PRKAA1: variants seen among roughly 807,000 people sequenced by gnomAD.
The protein encoded by PRKAA1 is 5'-AMP-activated protein kinase catalytic subunit alpha-1.
A neutral mutation model predicts 56.9 loss-of-function variants in PRKAA1; 23 were observed. The ratio of observed to expected loss-of-function variants is 0.40; its 90% confidence interval spans 0.29 to 0.57. The LOEUF is 0.57. Among genes scored for constraint, PRKAA1 ranks in the 20% least tolerant of loss-of-function variants. The pLI is 0.39. For missense variants in PRKAA1, 413 were observed against 679.7 expected (o/e 0.61, Z 4.36); for synonymous variants, 226 against 227.0 (o/e 1.00, Z 0.04).
intron 5 of PRKAA1, chr5:40,768,486 AT>A: frequency 1.1e-6 from 1 of 933,408 alleles, no homozygotes; most frequent in Non-Finnish European, 1.3e-6. Flanking sequence ...AGACAACACC[AT>A]TTTTTTAAAA....
Position 40,775,440 on chromosome 5 carries a change from C to T in PRKAA1, c.333G>A (p.Glu111=), listed in dbSNP as rs760575181. The T allele has an allele frequency of 1.9e-6, 3 of 1,606,618 alleles. No homozygotes were observed. The highest frequency in any genetic ancestry group is 2.6e-6 in the Non-Finnish European group (3 of 1,173,386). Residue 111 remains glutamate (E), a synonymous_variant, in exon 3 of 9, where the codon GAG becomes GAA. Coordinates refer to ENST00000397128, the MANE Select transcript of PRKAA1 (RefSeq NM_006251.6). Reference sequence around the variant, plus strand: ...CATTCTTACAGATATAATCAAATAGCTCTCCTCCTGAGACATATTCCATCA... The same window carrying T: ...CATTCTTACAGATATAATCAAATAGTTCTCCTCCTGAGACATATTCCATCA... ...FMVMEYVSGG[E]LFDYICKNGR... is the part of the protein sequence containing the mutation.
At chr5:40,773,144 A>G (rs1743827674) in intron 3 of PRKAA1, among the ~76,000 whole-genome samples, 1 of 152,192 alleles carries the variant, frequency 6.6e-6, no homozygotes, top group Non-Finnish European at 1.5e-5. Context: ...CTTAAAGGGC[A>G]TGGATAATAT....
intron 1 of PRKAA1, among the ~76,000 whole-genome samples, chr5:40,795,988 A>T (rs981415221): frequency 6.6e-6 from 1 of 152,236 alleles, no homozygotes; most frequent in East Asian, 1.9e-4. Flanking sequence ...TTCCTGCTTT[A>T]CTACCTGCCA....
intron 1 of PRKAA1, among the ~76,000 whole-genome samples, chr5:40,790,646 TCTC>T (rs1169964813): frequency 6.6e-6 from 1 of 151,952 alleles, no homozygotes; most frequent in Non-Finnish European, 1.5e-5. Context: ...TTCAAGCAAT[TCTC>T]CTGCCTCAGC....
At position 40,773,852 on chromosome 5, in the gene PRKAA1, C is replaced by T. The variant is rs185381; in HGVS notation, c.363+1558G>A. Among the ~76,000 whole-genome samples the T allele has an allele frequency of 1.2e-3, 180 of 152,256 alleles. 1 individual carries two copies. In the East Asian group the frequency reaches 0.028, roughly 23 times the overall value. On this transcript the variant is annotated intron_variant, in intron 3 of 8. Coordinates refer to ENST00000397128, the MANE Select transcript of PRKAA1 (RefSeq NM_006251.6). Reference sequence around the variant, plus strand: ...ATAATTTACTCTAGTAAGGCTGAACCAGCTCTGCTCTCAAGGACACCAAGG... The same window carrying T: ...ATAATTTACTCTAGTAAGGCTGAACTAGCTCTGCTCTCAAGGACACCAAGG...
At chr5:40,782,038 C>G (rs566794295) in intron 1 of PRKAA1, among the ~76,000 whole-genome samples, 22 of 152,304 alleles carry the variant, frequency 1.4e-4, no homozygotes, top group African/African-American at 5.3e-4. Flanking sequence ...CAAGAATCTC[C>G]AAGCTCTGGC....
chr5:40,774,823 T>C lies in PRKAA1; in HGVS notation c.363+587A>G, dbSNP rs1199357296. 31 of 890,778 alleles carry C rather than the reference T, an allele frequency of 3.5e-5. No homozygotes were observed. The East Asian group carries it at 7.3e-4, about 21-fold the overall frequency. 55.2% of individuals were successfully genotyped at this position (890,778 alleles called of 1,614,324 possible). On this transcript the variant is annotated intron_variant, in intron 3 of 8. Transcript: ENST00000397128. ...CATAACCTGGGTATGAGAAAAAGTA[T>C]GGGCAGAGGGCAGTGTTGAGTTTTT...
At chr5:40,793,981 A>C (rs189013603) in intron 1 of PRKAA1, among the ~76,000 whole-genome samples, 1 of 152,242 alleles carries the variant, frequency 6.6e-6, no homozygotes, top group East Asian at 1.9e-4. Flanking sequence ...ACACGTCTGT[A>C]ATCCCAGCTA....
intron 1 of PRKAA1, among the ~76,000 whole-genome samples, chr5:40,790,521 C>T (rs1400801959): frequency 1.3e-5 from 1 of 77,502 alleles, no homozygotes; most frequent in Non-Finnish European, 2.9e-5. Flanking sequence ...GGAGTCAACT[C>T]TTTCTTTTTT....
chr5:40,769,051 T>C (rs890804389), intron 5 of PRKAA1: 2 of 772,230 alleles, frequency 2.6e-6, no homozygotes, highest in Non-Finnish European at 4.1e-6. Flanking sequence ...ATGCCATCTA[T>C]GTAAAAAATT....
At chr5:40,780,620 C>G (rs1213950427) in intron 1 of PRKAA1, among the ~76,000 whole-genome samples, 1 of 152,126 alleles carries the variant, frequency 6.6e-6, no homozygotes, top group East Asian at 1.9e-4. Context: ...CAAGCCAAAC[C>G]AGGTCTCAGT....
rs770267711 is a variant in PRKAA1, at chr5:40,764,516, T to A, written c.1433A>T (p.Asp478Val). Residue 478 changes from aspartate to valine, a missense_variant and splice_region_variant, in exon 8 of 9, where the codon GAT becomes GTT. Asp to Val is a radical substitution (Grantham distance 152). Coordinates refer to ENST00000397128, the MANE Select transcript of PRKAA1 (RefSeq NM_006251.6). Reference sequence around the variant, plus strand: ...GTTGTTTTGTGTGATGTACATACCATCAATACTACGGAAATCCAGTAGATA... The same window carrying A: ...GTTGTTTTGTGTGATGTACATACCAACAATACTACGGAAATCCAGTAGATA... ...RTYLLDFRSI[D>V]DEITEAKSGT... 6.2e-7 allele frequency: 1 copy of A among 1,611,030 alleles called. No individual in the cohort carries two copies. Among genetic ancestry groups the A allele is most frequent in the Admixed American group, 1.7e-5 (1 of 59,860 alleles).
intron 1 of PRKAA1, among the ~76,000 whole-genome samples, chr5:40,785,835 C>CAGAGAGAGAGAGAGAG (rs765908317): frequency 2.1e-5 from 3 of 142,130 alleles, no homozygotes; most frequent in African/African-American, 8.0e-5. Context: ...CACACACACA[C>CAGAGAGAGAGAGAGAG]ACACAGAGAG....
chr5:40,772,970 A>G (rs1275020286), intron 3 of PRKAA1, among the ~76,000 whole-genome samples: 2 of 152,112 alleles, frequency 1.3e-5, no homozygotes, highest in African/African-American at 2.4e-5. Context: ...GTATCCATAT[A>G]TTATTACCAC....
chr5:40,784,558 GA>G (rs1744392785), intron 1 of PRKAA1, among the ~76,000 whole-genome samples: 1 of 152,026 alleles, frequency 6.6e-6, no homozygotes, highest in Admixed American at 6.5e-5. Context: ...GAACACAGAG[GA>G]AAAAAGCAGC....
chr5:40,764,639 A>G lies in PRKAA1; in HGVS notation c.1310T>C (p.Val437Ala). The G allele has an allele frequency of 6.2e-7, 1 of 1,613,546 alleles. No homozygotes were observed. Among genetic ancestry groups the G allele is most frequent in the Non-Finnish European group, 8.5e-7 (1 of 1,179,700 alleles). ...AIKQLDYEWK[V>A]VNPYYLRVRR... ...TACACGCAAATAATATGGGTTTACAACCTAGCACATGGTATAACAAAAACC... is the reference window on the plus strand; with the variant it reads ...TACACGCAAATAATATGGGTTTACAGCCTAGCACATGGTATAACAAAAACC... Residue 437 changes from valine (V) to alanine (A), a missense_variant and splice_region_variant, in exon 8 of 9, where the codon GTT (valine) becomes GCT (alanine). Physicochemically the swap from Val to Ala is moderately conservative, Grantham distance 64. Around this residue, in one of 9 missense-constraint regions of PRKAA1, gnomAD observed 139 missense variants for 171.5 expected, o/e 0.81. Transcript: ENST00000397128.
Position 40,771,968 on chromosome 5 carries a change from C to T in PRKAA1, c.364-105G>A, listed in dbSNP as rs193272059. 1.6e-4 allele frequency: 213 copies of T among 1,358,088 alleles called. No individual in the cohort carries two copies. The African/African-American group carries it at 2.6e-3, about 16-fold the overall frequency. 84.1% of individuals were successfully genotyped at this position (1,358,088 alleles called of 1,614,324 possible). On this transcript the variant is annotated intron_variant, in intron 3 of 8. Coordinates refer to ENST00000397128, the MANE Select transcript of PRKAA1 (RefSeq NM_006251.6). Reference sequence around the variant, plus strand: ...ATTGTCAAAATACATGAAAATCTTCCCAATGAACTTCACTTATGAGATACT... The same window carrying T: ...ATTGTCAAAATACATGAAAATCTTCTCAATGAACTTCACTTATGAGATACT...
intron 1 of PRKAA1, among the ~76,000 whole-genome samples, chr5:40,795,409 A>C (rs905582246): frequency 6.6e-6 from 1 of 152,128 alleles, no homozygotes; most frequent in Non-Finnish European, 1.5e-5. Flanking sequence ...AAATAAAACA[A>C]ATTTTAAAAA....
intron 1 of PRKAA1, among the ~76,000 whole-genome samples, chr5:40,785,837 CACAGAGAGAG>C (rs1355509062): frequency 3.2e-3 from 168 of 52,444 alleles, no homozygotes; most frequent in African/African-American, 6.1e-3. Flanking sequence ...CACACACACA[CACAGAGAGAG>C]AGAGAGAGAG....
Sources: gnomAD v4.1 joint callset for allele counts (sites outside exome capture counted in the v4.1 genomes callset) on GRCh38, gnomAD v4.1.1 for gene constraint, gnomAD v4.1.1 regional missense constraint, MANE v1.5 for transcripts, NCBI Gene and HGNC (gene_info 2026-07-23, HGNC 2026-07-21) for gene names.